The following CACNB4 variants were observed in gnomAD, a reference collection of about 807,000 sequenced individuals.
CACNB4 encodes the protein voltage-dependent L-type calcium channel subunit beta-4.
Under a neutral mutation model 71.2 loss-of-function variants are expected in CACNB4, and 32 were observed. The ratio of observed to expected loss-of-function variants is 0.45; its 90% CI spans 0.34 to 0.60. The LOEUF (loss-of-function observed/expected upper bound fraction) is 0.60, where lower values mean the gene tolerates loss of function less well. CACNB4 is among the 20% of genes least tolerant of loss of function. The pLI is 0.01. For missense variants in CACNB4, 464 were observed against 647.9 expected (o/e 0.72, Z 3.08); for synonymous variants, 231 against 236.9 (o/e 0.97, Z 0.23).
chr2:151,979,459 T>TAA (rs754510100), intron 2 of CACNB4, among the ~76,000 whole-genome samples: 10 of 137,164 alleles, frequency 7.3e-5, no homozygotes, highest in African/African-American at 2.1e-4. Flanking sequence ...AAATTTCAGT[T>TAA]AAAAAAAAAA....
intron 4 of CACNB4, among the ~76,000 whole-genome samples, chr2:151,877,078 T>G (rs139769943): frequency 3.8e-5 from 3 of 79,064 alleles, no homozygotes; most frequent in South Asian, 3.5e-4. Context: ...CACATAGATA[T>G]CTATATATAC....
At chr2:152,032,624 T>C (rs1684346137) in intron 2 of CACNB4, among the ~76,000 whole-genome samples, 2 of 152,192 alleles carry the variant, frequency 1.3e-5, no homozygotes, top group Admixed American at 1.3e-4. Context: ...TAATGCATTT[T>C]CTCTCTCCAA....
intron 2 of CACNB4, among the ~76,000 whole-genome samples, chr2:152,087,759 G>C (rs1407876158): frequency 1.3e-5 from 2 of 151,996 alleles, no homozygotes; most frequent in Admixed American, 1.3e-4. Flanking sequence ...CACGCCTGCA[G>C]TCCCAGCTAC....
At chr2:151,945,072 A>T (rs887262823) in intron 2 of CACNB4, among the ~76,000 whole-genome samples, 1 of 152,224 alleles carries the variant, frequency 6.6e-6, no homozygotes, top group African/African-American at 2.4e-5. Context: ...CTCTGTTCTC[A>T]GTAGAACTTC....
intron 2 of CACNB4, among the ~76,000 whole-genome samples, chr2:151,979,181 A>G (rs1247149787): frequency 6.6e-6 from 1 of 152,192 alleles, no homozygotes; most frequent in East Asian, 1.9e-4. Flanking sequence ...AGGCAAAAGA[A>G]GAGGAAGAAC....
chr2:152,035,821 T>C (rs1472931013), intron 2 of CACNB4, among the ~76,000 whole-genome samples: 1 of 152,090 alleles, frequency 6.6e-6, no homozygotes, highest in Non-Finnish European at 1.5e-5. Flanking sequence ...AAATTCTCCA[T>C]AAGATTTTTA....
At chr2:151,963,011 T>C (rs1220954057) in intron 2 of CACNB4, 1 of 152,108 alleles carries the variant, frequency 6.6e-6, no homozygotes, top group Non-Finnish European at 1.5e-5. Flanking sequence ...AAAAAGAATA[T>C]TGCTCTAGAA....
chr2:151,957,532 C>T (rs1299353556), intron 2 of CACNB4, among the ~76,000 whole-genome samples: 1 of 152,060 alleles, frequency 6.6e-6, no homozygotes, highest in African/African-American at 2.4e-5. Flanking sequence ...CTTACCACCC[C>T]AAATAAGTGG....
chr2:152,096,789 A>T (rs533803593), intron 2 of CACNB4, among the ~76,000 whole-genome samples: 24 of 152,216 alleles, frequency 1.6e-4, no homozygotes, highest in Non-Finnish European at 2.4e-4. Flanking sequence ...GAATATTAGA[A>T]TATTATTTTG....
At chr2:152,007,256 A>T (rs1330314255) in intron 2 of CACNB4, among the ~76,000 whole-genome samples, 1 of 152,184 alleles carries the variant, frequency 6.6e-6, no homozygotes, top group African/African-American at 2.4e-5. Context: ...CAGTTCAGTG[A>T]TATTAACTAC....
chr2:151,924,919 C>G (rs144825502), intron 2 of CACNB4, among the ~76,000 whole-genome samples: 1 of 152,104 alleles, frequency 6.6e-6, no homozygotes, highest in African/African-American at 2.4e-5. Flanking sequence ...AGGAATCCCA[C>G]GCAATGCTTC....
At chr2:151,846,159 A>G in intron 12 of CACNB4, among the ~76,000 whole-genome samples, 1 of 152,220 alleles carries the variant, frequency 6.6e-6, no homozygotes, top group Non-Finnish European at 1.5e-5. Context: ...TAAGGTGACC[A>G]ATGATTGTGG....
At position 152,027,669 on chromosome 2, in the gene CACNB4, C is replaced by G. The variant is rs113170177; in HGVS notation, c.147+70661G>C. On this transcript the variant is annotated intron_variant, in intron 2 of 13. Transcript: ENST00000539935. ...GAGATCGAGACCAGCCTGACCCACA[C>G]GGTGAAACCCAGTCTCTACTAAAAA... Among the ~76,000 whole-genome samples, 191 of 152,118 alleles carry G rather than the reference C, an allele frequency of 1.3e-3. 1 individual carries two copies. The highest frequency in any genetic ancestry group is 6.8e-3 in the Middle Eastern group (2 of 294).
At chr2:151,964,012 C>G (rs187668933) in intron 2 of CACNB4, among the ~76,000 whole-genome samples, 9 of 136,726 alleles carry the variant, frequency 6.6e-5, no homozygotes. Context: ...GAGGTTGCAG[C>G]GAGCCAAGAT....
chr2:151,907,182 C>G (rs2099855041), intron 2 of CACNB4, among the ~76,000 whole-genome samples: 1 of 151,844 alleles, frequency 6.6e-6, no homozygotes, highest in Non-Finnish European at 1.5e-5. Flanking sequence ...GAAAACAGAA[C>G]AAGCAAGGAC....
intron 4 of CACNB4, among the ~76,000 whole-genome samples, chr2:151,878,473 T>A (rs2099847012): frequency 2.0e-5 from 3 of 151,460 alleles, no homozygotes; most frequent in Non-Finnish European, 2.9e-5. Flanking sequence ...ATCCCAGCAC[T>A]TTTGGAGTCT....
intron 2 of CACNB4, among the ~76,000 whole-genome samples, chr2:151,895,741 C>T (rs1035208719): frequency 1.3e-5 from 2 of 151,684 alleles, no homozygotes; most frequent in Admixed American, 6.6e-5. Context: ...TGATAGGTGA[C>T]ATTAAATATT....
At chr2:151,973,816 G>A (rs1047344101) in intron 2 of CACNB4, 64 of 1,523,988 alleles carry the variant, frequency 4.2e-5, no homozygotes, top group Middle Eastern at 3.4e-4. Flanking sequence ...GGAGAACTGC[G>A]CCTGCCTTAT....
At chr2:152,052,842 C>T (rs989742085) in intron 2 of CACNB4, among the ~76,000 whole-genome samples, 9 of 151,792 alleles carry the variant, frequency 5.9e-5, no homozygotes, top group Admixed American at 6.6e-5. Context: ...ATTGGCTGGG[C>T]GTGGTGGCAG....
Sources: allele counts gnomAD v4.1 joint callset (sites outside exome capture counted in the v4.1 genomes callset), GRCh38; gene constraint gnomAD v4.1.1; transcripts MANE v1.5; gene names NCBI Gene and HGNC (gene_info 2026-07-23, HGNC 2026-07-21).